Variants in CACNB4 observed in about 807,000 individuals in gnomAD.
CACNB4 encodes the protein calcium voltage-gated channel auxiliary subunit beta 4.
Under a neutral mutation model 71.2 loss-of-function variants are expected in CACNB4, and 32 were observed. The ratio of observed to expected loss-of-function variants is 0.45; its 90% CI spans 0.34 to 0.60. The LOEUF (loss-of-function observed/expected upper bound fraction) is 0.60, where lower values mean the gene tolerates loss of function less well. CACNB4 is among the 20% of genes least tolerant of loss of function. The probability of loss-of-function intolerance (pLI) is 0.01; values close to 1 mark genes in which losing one functional copy is unlikely to be tolerated. For synonymous variants in CACNB4, 231 were observed against 236.9 expected, an observed-to-expected ratio of 0.97 and a Z score of 0.23; for missense variants, 464 against 647.9, an observed-to-expected ratio of 0.72 and a Z score of 3.08.
At chr2:151,915,440 C>G (rs544247463) in intron 2 of CACNB4, among the ~76,000 whole-genome samples, 3 of 152,244 alleles carry the variant, frequency 2.0e-5, no homozygotes, top group African/African-American at 4.8e-5. Flanking sequence ...CTGTCCCTCC[C>G]GCAAGGAGCT....
At chr2:151,967,041 T>G (rs2099871321) in intron 2 of CACNB4, 1 of 79,734 alleles carries the variant, frequency 1.3e-5, no homozygotes, top group Non-Finnish European at 2.2e-5. Flanking sequence ...GTCTCCACAT[T>G]TTTTTTTTTT....
At position 151,990,247 on chromosome 2, in the gene CACNB4, T is replaced by C. The variant is rs185227916; in HGVS notation, c.148-106877A>G. Among the ~76,000 whole-genome samples the C allele has an allele frequency of 1.2e-3, 187 of 152,328 alleles. 1 individual carries two copies. Among genetic ancestry groups the C allele is most frequent in the African/African-American group, 4.0e-3 (166 of 41,580 alleles). ...AATTTCCTCACACATGCTCCAGCCATATCTCATTGTATCAAATTCTTGCAC... is the reference window on the plus strand; with the variant it reads ...AATTTCCTCACACATGCTCCAGCCACATCTCATTGTATCAAATTCTTGCAC... On this transcript the variant is annotated intron_variant, in intron 2 of 13. Transcript: ENST00000539935.
intron 2 of CACNB4, among the ~76,000 whole-genome samples, chr2:152,057,042 C>T (rs900407198): frequency 3.9e-5 from 6 of 152,152 alleles, no homozygotes; most frequent in African/African-American, 1.2e-4. Context: ...AATACGGCAA[C>T]ATTGAGGGAT....
At chr2:151,951,733 T>C (rs1234591579) in intron 2 of CACNB4, among the ~76,000 whole-genome samples, 2 of 152,180 alleles carry the variant, frequency 1.3e-5, no homozygotes, top group Non-Finnish European at 2.9e-5. Context: ...CTGCCACAGA[T>C]GCACCTCTGT....
At chr2:151,918,225 T>C (rs1238414791) in intron 2 of CACNB4, among the ~76,000 whole-genome samples, 2 of 152,214 alleles carry the variant, frequency 1.3e-5, no homozygotes, top group South Asian at 4.1e-4. Flanking sequence ...ACAGTAGTCA[T>C]TCAGCATTGA....
intron 2 of CACNB4, among the ~76,000 whole-genome samples, chr2:152,074,074 G>C (rs1686854688): frequency 6.6e-6 from 1 of 152,020 alleles, no homozygotes; most frequent in Admixed American, 6.6e-5. Context: ...GGCAGGCAGG[G>C]GAGGAATGGC....
intron 2 of CACNB4, among the ~76,000 whole-genome samples, chr2:151,982,526 T>G (rs976006098): frequency 8.0e-5 from 12 of 150,378 alleles, no homozygotes; most frequent in African/African-American, 3.0e-4. Context: ...CCCAGCTACT[T>G]GGGAGGCTGA....
intron 2 of CACNB4, among the ~76,000 whole-genome samples, chr2:151,990,417 T>C (rs979125464): frequency 3.3e-5 from 5 of 152,020 alleles, no homozygotes; most frequent in Non-Finnish European, 5.9e-5. Flanking sequence ...AGCACAACCC[T>C]CTCCAGTTAG....
chr2:151,849,584 T>G (rs1028593886), intron 12 of CACNB4, among the ~76,000 whole-genome samples: 1 of 152,120 alleles, frequency 6.6e-6, no homozygotes, highest in African/African-American at 2.4e-5. Flanking sequence ...TCTTTGTGAG[T>G]ATTTTGATAA....
intron 2 of CACNB4, among the ~76,000 whole-genome samples, chr2:151,974,664 G>A (rs1472014111): frequency 6.6e-6 from 1 of 152,100 alleles, no homozygotes; most frequent in Non-Finnish European, 1.5e-5. Flanking sequence ...TAATCCTGAA[G>A]TGGCATTGGT....
At position 151,838,217 on chromosome 2, in the gene CACNB4, T is replaced by C. The variant is rs1411707972; in HGVS notation, c.*902A>G. 3 of 152,638 alleles carry C rather than the reference T, an allele frequency of 2.0e-5. No homozygotes were observed. The highest frequency in any genetic ancestry group is 4.8e-5 in the African/African-American group (2 of 41,460). 9.5% of individuals were successfully genotyped at this position (152,638 alleles called of 1,614,324 possible). ...ATCTGACTTCAGATTCCTGGATGTA[T>C]GTAGTTGTGCTCAGATTGATTAAAG... On this transcript the variant is annotated 3_prime_UTR_variant, in exon 14 of 14. Transcript: ENST00000539935.
chr2:151,989,628 T>G (rs1160232554), intron 2 of CACNB4, among the ~76,000 whole-genome samples: 1 of 152,180 alleles, frequency 6.6e-6, no homozygotes, highest in South Asian at 2.1e-4. Context: ...CTCCTCTCCC[T>G]TAGCTTCAAC....
chr2:151,888,411 T>A (rs552826739), intron 2 of CACNB4, among the ~76,000 whole-genome samples: 41 of 151,244 alleles, frequency 2.7e-4, no homozygotes, highest in African/African-American at 6.8e-4. Context: ...AAAATAAATT[T>A]TAAAAAAAAA....
chr2:151,847,994 G>T (rs1395765255), intron 12 of CACNB4, among the ~76,000 whole-genome samples: 1 of 152,144 alleles, frequency 6.6e-6, no homozygotes, highest in African/African-American at 2.4e-5. Context: ...ATATAACTTT[G>T]ATTCTTTTGA....
chr2:151,937,172 T>C (rs187859865), intron 2 of CACNB4, among the ~76,000 whole-genome samples: 12 of 152,332 alleles, frequency 7.9e-5, no homozygotes, highest in Admixed American at 5.9e-4. Flanking sequence ...TTTCAATGAA[T>C]TCCTATCCGA....
At chr2:152,017,696 A>G (rs1484121991) in intron 2 of CACNB4, among the ~76,000 whole-genome samples, 1 of 151,528 alleles carries the variant, frequency 6.6e-6, no homozygotes, top group Non-Finnish European at 1.5e-5. Flanking sequence ...TGACAGAGTG[A>G]GACTCCGTCT....
chr2:151,948,715 G>T (rs535054425), intron 2 of CACNB4, among the ~76,000 whole-genome samples: 1 of 152,080 alleles, frequency 6.6e-6, no homozygotes, highest in East Asian at 1.9e-4. Context: ...AGCAGTTCCT[G>T]CCAAGTGCCC....
chr2:151,920,075 C>G (rs2099858532), intron 2 of CACNB4, among the ~76,000 whole-genome samples: 1 of 152,060 alleles, frequency 6.6e-6, no homozygotes, highest in South Asian at 2.1e-4. Context: ...TTATGGCAAC[C>G]TAATAAGTGT....
chr2:151,991,782 T>C (rs911446104), intron 2 of CACNB4, among the ~76,000 whole-genome samples: 1 of 152,214 alleles, frequency 6.6e-6, no homozygotes, highest in Non-Finnish European at 1.5e-5. Context: ...CTAAAAGAGA[T>C]GCTTCTAGTG....
Sources: gnomAD v4.1 joint callset for allele counts (sites outside exome capture counted in the v4.1 genomes callset) on GRCh38, gnomAD v4.1.1 for gene constraint, MANE v1.5 for transcripts, NCBI Gene and HGNC (gene_info 2026-07-23, HGNC 2026-07-21) for gene names.